Variants in SPTBN1 observed in about 807,000 individuals in gnomAD.
SPTBN1 encodes the protein spectrin beta chain, non-erythrocytic 1.
Under a neutral mutation model 266.4 loss-of-function variants are expected in SPTBN1, and 32 were observed. That is an observed-to-expected ratio of 0.12 (90% confidence interval 0.09 to 0.16). SPTBN1 has a LOEUF of 0.16. Ranked by LOEUF, SPTBN1 falls within the 10% of genes least tolerant of loss-of-function variation. SPTBN1 has a pLI of 1.00. For synonymous variants in SPTBN1, 1,336 were observed against 1,162.2 expected (o/e 1.15, Z -3.04); for missense variants, 2,296 against 3,067.1 (o/e 0.75, Z 5.94).
Position 54,622,415 on chromosome 2 carries a change from C to A in SPTBN1, c.992C>A (p.Ala331Asp). The change falls in exon 9 of 36, where the codon GCC (alanine) becomes GAC (aspartate). Residue 331 changes from alanine (A) to aspartate (D), a missense_variant. Around this residue, in one of 12 missense-constraint regions of SPTBN1, gnomAD observed 148 missense variants for 203.8 expected, o/e 0.73. Coordinates refer to ENST00000356805, the MANE Select transcript of SPTBN1 (RefSeq NM_003128.3). ...ATCATTCTGAACAATCGCAAATTTG[C>A]CAATTCACTGGTCGGGGTTCAACAG... ...TIIILNNRKF[A>D]NSLVGVQQQL... 1 of 1,614,146 alleles carries A rather than the reference C, an allele frequency of 6.2e-7. No homozygotes were observed. Among genetic ancestry groups the A allele is most frequent in the Non-Finnish European group, 8.5e-7 (1 of 1,180,018 alleles).
Position 54,664,752 on chromosome 2 carries a change from G to GGCC in SPTBN1, c.6659+62_6659+64dup. The GGCC allele has an allele frequency of 2.6e-6, 4 of 1,531,294 alleles. No individual in the cohort carries two copies. The highest frequency in any genetic ancestry group is 3.6e-6 in the Non-Finnish European group (4 of 1,115,836). 94.9% of individuals were successfully genotyped at this position (1,531,294 alleles called of 1,614,324 possible). The stretch of plus-strand genomic sequence containing the variant: ...AGTCAGCCTGTGAAGGGATAAGGCG[G>GGCC]GCCACTCTTGAATTGGAAGAGAAGT... On this transcript the variant is annotated intron_variant, in intron 33 of 35. Coordinates refer to ENST00000356805, the MANE Select transcript of SPTBN1 (RefSeq NM_003128.3). The surrounding 1 kb of genome is among the most constrained non-coding windows in gnomAD (Gnocchi z 5.6).
intron 2 of SPTBN1, among the ~76,000 whole-genome samples, chr2:54,577,029 G>T (rs1159964887): frequency 6.6e-6 from 1 of 152,186 alleles, no homozygotes; most frequent in African/African-American, 2.4e-5. Context: ...GGAATGGCTA[G>T]AATTCTACTT....
At chr2:54,544,588 T>C (rs6545427) in intron 2 of SPTBN1, among the ~76,000 whole-genome samples, 121,722 of 152,040 alleles carry the variant, frequency 0.8, 49,299 homozygotes, top group African/African-American at 0.93. Flanking sequence ...TACACATGAC[T>C]AATTTAAAAC....
intron 2 of SPTBN1, among the ~76,000 whole-genome samples, chr2:54,567,869 C>T (rs1346186592): frequency 6.6e-6 from 1 of 152,090 alleles, no homozygotes; most frequent in Non-Finnish European, 1.5e-5. Context: ...GACAGAAGAC[C>T]AGTGTTTTAT....
intron 2 of SPTBN1, among the ~76,000 whole-genome samples, chr2:54,581,436 G>A (rs1371538150): frequency 1.3e-5 from 2 of 152,172 alleles, no homozygotes; most frequent in Non-Finnish European, 2.9e-5. Flanking sequence ...GATGCTGACA[G>A]CATTTGCTGC....
rs755616423 is a variant in SPTBN1, at chr2:54,665,974, C to A, written c.6719C>A (p.Ala2240Glu). Reference sequence around the variant, plus strand: ...CAAGAAATGGGTTTCTACAAAGATGCAAAGACTGCTGCTTCTGGAATTCCC... The same window carrying A: ...CAAGAAATGGGTTTCTACAAAGATGAAAAGACTGCTGCTTCTGGAATTCCC... Reference protein sequence around the residue: ...NNQEMGFYKDAKTAASGIPYH... With the variant: ...NNQEMGFYKDEKTAASGIPYH... The change falls in exon 34 of 36, where the codon GCA becomes GAA. Residue 2240 changes from alanine (A) to glutamate (E), a missense_variant. Physicochemically the swap from Ala to Glu is moderately radical, Grantham distance 107 (BLOSUM62 -1). This residue lies in a region of SPTBN1 where 347 missense variants were observed against 368.5 expected (regional missense o/e 0.94). Coordinates refer to ENST00000356805, the MANE Select transcript of SPTBN1 (RefSeq NM_003128.3). 6.2e-7 allele frequency: 1 copy of A among 1,614,100 alleles called. No homozygotes were observed. Among genetic ancestry groups the A allele is most frequent in the Non-Finnish European group, 8.5e-7 (1 of 1,180,016 alleles).
chr2:54,545,786 A>G lies in SPTBN1; in HGVS notation c.148+19220A>G, dbSNP rs1417252786. ...AAAAACAAGGGGGTGGGCTGGATGG[A>G]TTCTGAGGGCCCTCAGACCTCTAAG... is the stretch of plus-strand genomic sequence containing the variant. On this transcript the variant is annotated intron_variant, in intron 2 of 35. Transcript: ENST00000356805. 5.3e-5 allele frequency among the ~76,000 whole-genome samples: 8 copies of G among 152,056 alleles called. No homozygotes were observed. The East Asian group carries it at 1.5e-3, about 29-fold the overall frequency.
Position 54,643,105 on chromosome 2 carries a change from A to G in SPTBN1, c.3981A>G (p.Lys1327=), listed in dbSNP as rs767174920. The G allele has an allele frequency of 7.4e-6, 12 of 1,614,110 alleles. No individual in the cohort carries two copies. Among genetic ancestry groups the G allele is most frequent in the Non-Finnish European group, 1.0e-5 (12 of 1,180,038 alleles). ...QAFMAELASN[K]EWLDKIEKEG... ...TTATGGCAGAACTTGCATCCAACAA[A>G]GAATGGCTTGACAAAATCGAGAAGG... The change falls in exon 19 of 36, where the codon AAA becomes AAG. Residue 1327 remains lysine (K), a synonymous_variant. Transcript: ENST00000356805.
intron 7 of SPTBN1, among the ~76,000 whole-genome samples, chr2:54,620,819 T>C (rs115947735): frequency 0.012 from 1,763 of 152,262 alleles, 33 homozygotes; most frequent in African/African-American, 0.04. Flanking sequence ...CGCTTATAGT[T>C]TATTCTTCAG....
Position 54,631,307 on chromosome 2 carries a change from C to G in SPTBN1, c.3260C>G (p.Ser1087Trp). Reference sequence around the variant, plus strand: ...TCTAGGACCCAGACAGCGATCGCCTCGGAGGACATGCCAAACACCCTGACC... The same window carrying G: ...TCTAGGACCCAGACAGCGATCGCCTGGGAGGACATGCCAAACACCCTGACC... Reference protein sequence around the residue: ...WLSRTQTAIASEDMPNTLTEA... With the variant: ...WLSRTQTAIAWEDMPNTLTEA... Residue 1087 changes from serine (S) to tryptophan (W), a missense_variant, in exon 16 of 36, where the codon TCG becomes TGG. Transcript: ENST00000356805. 1 of 1,614,230 alleles carries G rather than the reference C, an allele frequency of 6.2e-7. No homozygotes were observed. The highest frequency in any genetic ancestry group is 8.5e-7 in the Non-Finnish European group (1 of 1,180,034).
Position 54,558,703 on chromosome 2 carries a change from C to A in SPTBN1, c.148+32137C>A, listed in dbSNP as rs1235908733. On this transcript the variant is annotated intron_variant, in intron 2 of 35. Transcript: ENST00000356805. This position sits in a 1 kb window ranked among gnomAD's most constrained non-coding sequence, Gnocchi z 4.6. Reference sequence around the variant, plus strand: ...GAGCCGAGCGCTGCGGAGGCTGCTGCGTGTTGGATGGGAGTGGGAGGGGGC... The same window carrying A: ...GAGCCGAGCGCTGCGGAGGCTGCTGAGTGTTGGATGGGAGTGGGAGGGGGC... The A allele has an allele frequency of 5.6e-5, 87 of 1,554,954 alleles. No individual in the cohort carries two copies. The highest frequency in any genetic ancestry group is 6.9e-5 in the Non-Finnish European group (79 of 1,145,866).
chr2:54,511,661 C>A (rs549202311), intron 1 of SPTBN1, among the ~76,000 whole-genome samples: 1 of 151,974 alleles, frequency 6.6e-6, no homozygotes, highest in African/African-American at 2.4e-5. Flanking sequence ...GTCAGGAGTT[C>A]GAGACCAGCC....
At chr2:54,627,221 G>A (rs899488723) in intron 12 of SPTBN1, among the ~76,000 whole-genome samples, 1 of 152,166 alleles carries the variant, frequency 6.6e-6, no homozygotes, top group African/African-American at 2.4e-5. Flanking sequence ...GTGTTCTTAG[G>A]TCTGGTCTCT....
chr2:54,459,473 T>G (rs550966096), intron 1 of SPTBN1, among the ~76,000 whole-genome samples: 2 of 152,358 alleles, frequency 1.3e-5, no homozygotes, highest in East Asian at 3.9e-4. Context: ...AAGTACTATT[T>G]TGACGTGGAA....
At chr2:54,526,609 A>G in intron 2 of SPTBN1, 43 bp downstream of exon 2, 1 of 1,585,698 alleles carries the variant, frequency 6.3e-7, no homozygotes, top group Non-Finnish European at 8.6e-7. Flanking sequence ...GATGCCTAAA[A>G]TCAGGATGCC....
rs192321041 is a variant in SPTBN1 at position 54,637,663 on chromosome 2, A to G, written c.3768-50A>G. 1.5e-5 allele frequency: 22 copies of G among 1,422,028 alleles called. No homozygotes were observed. The African/African-American group carries it at 3.1e-4, about 20-fold the overall frequency. The allele number at this position is 1,422,028 out of a possible 1,614,324, so 88.1% of individuals were successfully genotyped here. A position where few individuals can be genotyped will look rare whatever the true frequency, so the allele number is the denominator to read the frequency against. On this transcript the variant is annotated intron_variant, in intron 17 of 35. Transcript: ENST00000356805. Reference sequence around the variant, plus strand: ...AAATTGATTTGTATTCTGTATTTCAAGATTCTCTACTTCCTTTTTTAAAAA... The same window carrying G: ...AAATTGATTTGTATTCTGTATTTCAGGATTCTCTACTTCCTTTTTTAAAAA...
At chr2:54,611,000 A>T (rs914045365) in intron 3 of SPTBN1, among the ~76,000 whole-genome samples, 1 of 152,264 alleles carries the variant, frequency 6.6e-6, no homozygotes, top group Non-Finnish European at 1.5e-5. Flanking sequence ...TAGGAGTTAG[A>T]GATGGCTCTG....
At chr2:54,580,951 A>G (rs1438106848) in intron 2 of SPTBN1, among the ~76,000 whole-genome samples, 1 of 152,076 alleles carries the variant, frequency 6.6e-6, no homozygotes, top group Non-Finnish European at 1.5e-5. Flanking sequence ...TACAAAAATT[A>G]GCCATGCATA....
intron 2 of SPTBN1, among the ~76,000 whole-genome samples, chr2:54,591,524 T>C (rs946039903): frequency 3.3e-5 from 5 of 152,212 alleles, no homozygotes; most frequent in African/African-American, 1.2e-4. Context: ...ACTTGAAAAG[T>C]AAAAGAAAGA....
Sources: allele counts gnomAD v4.1 joint callset (sites outside exome capture counted in the v4.1 genomes callset), GRCh38; gene constraint gnomAD v4.1.1; regional missense constraint gnomAD v4.1.1; non-coding constraint Gnocchi (gnomAD v3.1); transcripts MANE v1.5; gene names NCBI Gene and HGNC (gene_info 2026-07-23, HGNC 2026-07-21).